The following PUM1 variants were observed in gnomAD, a reference collection of about 807,000 sequenced individuals.
PUM1 encodes the protein pumilio homolog 1.
In PUM1, 13 loss-of-function variants were observed where a neutral mutation model predicts 131.8. The ratio of observed to expected loss-of-function variants is 0.10; its 90% CI spans 0.06 to 0.16. The LOEUF is 0.16. Among genes scored for constraint, PUM1 ranks in the 10% least tolerant of loss-of-function variants. PUM1 has a pLI of 1.00. For synonymous variants in PUM1, 509 were observed against 556.5 expected (o/e 0.91, Z 1.20); for missense variants, 961 against 1,512.4 (o/e 0.64, Z 6.05).
intron 14 of PUM1, 115 bp from the exon 15 acceptor site, chr1:30,954,096 T>A: frequency 8.7e-7 from 1 of 1,143,514 alleles, no homozygotes; most frequent in Non-Finnish European, 1.2e-6. Context: ...TTCAATGCTG[T>A]TGTTTTTGTG....
intron 18 of PUM1, 68 bp from the exon 19 acceptor site, chr1:30,942,191 T>TTTTTTATATATATATA (rs1425100677): frequency 7.0e-6 from 1 of 143,388 alleles, no homozygotes; most frequent in African/African-American, 6.0e-5. Context: ...TCAGTATTGT[T>TTTTTTATATATATATA]TATATATATA....
At chr1:30,967,368 G>A in intron 11 of PUM1, 58 bp from the exon 12 acceptor site, 1 of 1,526,944 alleles carries the variant, frequency 6.5e-7, no homozygotes, top group Non-Finnish European at 9.0e-7. Context: ...TATCTCCTGG[G>A]CACCAACATA....
intron 2 of PUM1, among the ~76,000 whole-genome samples, chr1:31,048,195 C>T (rs917298078): frequency 6.6e-6 from 1 of 151,402 alleles, no homozygotes. Context: ...GCTGATATCG[C>T]GCCACTGCAC....
At chr1:30,969,330 A>G (rs912604449) in intron 10 of PUM1, among the ~76,000 whole-genome samples, 30 of 147,820 alleles carry the variant, frequency 2.0e-4, no homozygotes, top group East Asian at 1.7e-3. Context: ...AAAAAAAAAA[A>G]AAAAAAGAAA....
chr1:30,987,341 C>T (rs1041563088), intron 7 of PUM1, among the ~76,000 whole-genome samples: 4 of 151,948 alleles, frequency 2.6e-5, no homozygotes, highest in African/African-American at 9.7e-5. Flanking sequence ...GGACTACAGG[C>T]GTGTGCTACC....
chr1:30,966,755 C>A (rs1570150982), intron 12 of PUM1, among the ~76,000 whole-genome samples: 1 of 152,218 alleles, frequency 6.6e-6, no homozygotes, highest in East Asian at 1.9e-4. Flanking sequence ...TCCTCCCAAC[C>A]AAATGTATTA....
At chr1:30,990,486 T>G (rs529243490) in intron 7 of PUM1, among the ~76,000 whole-genome samples, 5 of 152,134 alleles carry the variant, frequency 3.3e-5, no homozygotes, top group Admixed American at 3.3e-4. Flanking sequence ...TGGAATAAAA[T>G]GTAATGAAAA....
rs758361282 is a variant in PUM1 at position 30,952,228 on chromosome 1, G to T, written c.2721+6C>A. 4.3e-6 allele frequency: 7 copies of T among 1,613,338 alleles called. No homozygotes were observed. The highest frequency in any genetic ancestry group is 3.4e-6 in the Non-Finnish European group (4 of 1,179,462). On this transcript the variant is annotated splice_donor_region_variant and intron_variant, in intron 16 of 21. Transcript: ENST00000426105. ...AAGTCAAAGGATAGAAAGAACAAAG[G>T]CTTACTTCAAAGAACTTCTGAATGA...
At position 31,059,560 on chromosome 1, in the gene PUM1, C is replaced by T. The variant is rs1187853515; in HGVS notation, c.7G>A (p.Val3Ile). The change falls in exon 2 of 22, where the codon GTT becomes ATT. Residue 3 changes from valine to isoleucine, a missense_variant. By Grantham distance (29) the Val-to-Ile change is conservative. Transcript: ENST00000426105. ...GCTTTTCTCTTCAAGACACATGCAA[C>T]GCTCATTCCACCAACACCTAAGGAC... MS[V>I]ACVLKRKAVL... 2 of 1,608,496 alleles carry T rather than the reference C, an allele frequency of 1.2e-6. No individual in the cohort carries two copies. The highest frequency in any genetic ancestry group is 1.7e-6 in the Non-Finnish European group (2 of 1,177,204).
intron 2 of PUM1, among the ~76,000 whole-genome samples, chr1:31,030,208 CA>C (rs202075874): frequency 6.8e-6 from 1 of 146,728 alleles, no homozygotes; most frequent in African/African-American, 2.5e-5. Flanking sequence ...GATTCTGTCT[CA>C]AAAAAAAACA....
intron 2 of PUM1, 85 bp from the exon 3 acceptor site, chr1:31,028,949 C>A (rs1233530053): frequency 1.3e-5 from 14 of 1,069,038 alleles, no homozygotes; most frequent in South Asian, 3.8e-5. Context: ...AAAATTTATT[C>A]TATGTTTACT....
chr1:31,007,399 G>T (rs751414221), intron 3 of PUM1, among the ~76,000 whole-genome samples: 2 of 152,212 alleles, frequency 1.3e-5, no homozygotes, highest in Non-Finnish European at 2.9e-5. Context: ...TTTTTAAGGA[G>T]TGGGGAAGGG....
At chr1:31,012,720 C>A (rs564322067) in intron 3 of PUM1, among the ~76,000 whole-genome samples, 23 of 151,900 alleles carry the variant, frequency 1.5e-4, no homozygotes, top group Admixed American at 8.5e-4. Context: ...AAGAACAATA[C>A]GCAAAACCAC....
At chr1:30,997,091 A>G (rs1189059926) in intron 5 of PUM1, among the ~76,000 whole-genome samples, 1 of 152,222 alleles carries the variant, frequency 6.6e-6, no homozygotes, top group Non-Finnish European at 1.5e-5. Context: ...GCAAAAGAAT[A>G]TTACAAGAAT....
At chr1:30,970,270 A>T (rs1337832019) in intron 10 of PUM1, among the ~76,000 whole-genome samples, 1 of 152,248 alleles carries the variant, frequency 6.6e-6, no homozygotes, top group Non-Finnish European at 1.5e-5. Context: ...TAAAAAGAGA[A>T]GCAACACTAA....
At chr1:31,033,119 T>C (rs1643490021) in intron 2 of PUM1, among the ~76,000 whole-genome samples, 2 of 151,124 alleles carry the variant, frequency 1.3e-5, no homozygotes, top group African/African-American at 4.9e-5. Context: ...AAGGTGGAAA[T>C]CTAAATACAG....
intron 2 of PUM1, among the ~76,000 whole-genome samples, chr1:31,038,972 A>ATTTTTTTTTTTTTTTTTTTTTTTTTT (rs1557599132): frequency 3.3e-5 from 1 of 30,100 alleles, no homozygotes; most frequent in African/African-American, 2.8e-4. Flanking sequence ...ATATATATAT[A>ATTTTTTTTTTTTTTTTTTTTTTTTTT]TATATATATA....
At chr1:31,053,961 G>A (rs1275753871) in intron 2 of PUM1, among the ~76,000 whole-genome samples, 2 of 151,886 alleles carry the variant, frequency 1.3e-5, no homozygotes, top group Non-Finnish European at 2.9e-5. Context: ...GGGCGTGGTG[G>A]TGCACACTTG....
chr1:31,033,445 T>C (rs921472797), intron 2 of PUM1, among the ~76,000 whole-genome samples: 6 of 143,236 alleles, frequency 4.2e-5, no homozygotes, highest in Admixed American at 2.2e-4. Context: ...GACTGCGGAC[T>C]GCAGTGGCGC....
Sources: gnomAD v4.1 joint callset for allele counts (sites outside exome capture counted in the v4.1 genomes callset) on GRCh38, gnomAD v4.1.1 for gene constraint, MANE v1.5 for transcripts, NCBI Gene and HGNC (gene_info 2026-07-23, HGNC 2026-07-21) for gene names.